Variants in RPL35A observed in about 807,000 individuals in gnomAD.
RPL35A encodes the protein large ribosomal subunit protein eL33.
Under a neutral mutation model 16.7 loss-of-function variants are expected in RPL35A, and 1 was observed. The ratio of observed to expected loss-of-function variants is 0.06; its 90% confidence interval spans 0.02 to 0.28. The LOEUF (loss-of-function observed/expected upper bound fraction) is 0.28. Ranked by LOEUF, RPL35A falls within the 10% of genes least tolerant of loss-of-function variation. The pLI is 1.00. For synonymous variants in RPL35A, 58 were observed against 47.0 expected (o/e 1.23, Z -0.96); for missense variants, 91 against 138.7 (o/e 0.66, Z 1.73).
chr3:197,950,429 CCA>C, intron 1 of RPL35A: 1 of 819,946 alleles, frequency 1.2e-6, no homozygotes, highest in Admixed American at 4.4e-5. Flanking sequence ...CCGGGTTATC[CCA>C]GTTAAATTCC....
chr3:197,952,989 CA>C (rs1720241466), intron 3 of RPL35A, among the ~76,000 whole-genome samples: 1 of 151,512 alleles, frequency 6.6e-6, no homozygotes. Context: ...TTAGTAGAGA[CA>C]GGGTTTCACC....
At chr3:197,952,711 C>G (rs562595585) in intron 3 of RPL35A, 29 of 152,156 alleles carry the variant, frequency 1.9e-4, no homozygotes, top group Admixed American at 1.2e-3. Context: ...TCACTCTGGT[C>G]TTGAACTCCT....
Position 197,951,593 on chromosome 3 carries a change from T to TCA in RPL35A, c.164+283_164+284insAC, listed in dbSNP as rs1432987246. 10 of 409,426 alleles carry TCA rather than the reference T, an allele frequency of 2.4e-5. No individual in the cohort carries two copies. In the Admixed American group the frequency reaches 3.4e-4, roughly 14 times the overall value. The allele number at this position is 409,426 out of a possible 1,614,324, so 25.4% of individuals were successfully genotyped here. Reference sequence around the variant, plus strand: ...GTCCCAAACTCCTGACCTTAGGTGATCCGCCCACCTCGGCCTCCCAAAGTG... The same window carrying TCA: ...GTCCCAAACTCCTGACCTTAGGTGATCACCGCCCACCTCGGCCTCCCAAAGTG... On this transcript the variant is annotated intron_variant, in intron 3 of 4. Transcript: ENST00000647248.
intron 1 of RPL35A, 21 bp downstream of exon 1, chr3:197,950,242 T>C: frequency 8.1e-7 from 1 of 1,230,782 alleles, no homozygotes; most frequent in South Asian, 4.2e-5. Flanking sequence ...GGTCTGCTGC[T>C]GAAATTTGGG....
chr3:197,955,051 AT>A (rs1261251239), intron 4 of RPL35A, among the ~76,000 whole-genome samples: 2 of 151,676 alleles, frequency 1.3e-5, no homozygotes, highest in African/African-American at 4.8e-5. Context: ...TTCTCCTGTA[AT>A]TTTTCTCAAA....
At chr3:197,951,898 A>T (rs1720126969) in intron 3 of RPL35A, among the ~76,000 whole-genome samples, 1 of 152,064 alleles carries the variant, frequency 6.6e-6, no homozygotes. Context: ...GGGTTTCCCC[A>T]TGTTGGCCAG....
Position 197,954,008 on chromosome 3 carries a change from C to T in RPL35A, c.170C>T (p.Thr57Ile). ...CAYVYKAKNNTVTPGGKPNKT... is the reference protein window; with the variant it reads ...CAYVYKAKNNIVTPGGKPNKT... ...CTTTCCCTTTTTAAAATCAGCAACA[C>T]AGTCACTCCTGGCGGCAAACCAAAC... Residue 57 changes from threonine (T) to isoleucine (I), a missense_variant, in exon 4 of 5, where the codon ACA (threonine) becomes ATA (isoleucine). Thr to Ile is a moderately conservative substitution (Grantham distance 89). Coordinates refer to ENST00000647248, the MANE Select transcript of RPL35A (RefSeq NM_000996.4). 1.9e-6 allele frequency: 3 copies of T among 1,612,806 alleles called. No homozygotes were observed. Among genetic ancestry groups the T allele is most frequent in the Non-Finnish European group, 2.5e-6 (3 of 1,179,916 alleles).
At position 197,950,962 on chromosome 3, in the gene RPL35A, G is replaced by A. The variant is rs1720019559; in HGVS notation, c.-6G>A. The A allele has an allele frequency of 1.2e-6, 2 of 1,614,106 alleles. No homozygotes were observed. Among genetic ancestry groups the A allele is most frequent in the Non-Finnish European group, 1.7e-6 (2 of 1,179,956 alleles). Reference sequence around the variant, plus strand: ...CCTGCTGGGAACGGGACTTCTAAAAGGAACTATGTCTGGAAGGTACGCGTT... The same window carrying A: ...CCTGCTGGGAACGGGACTTCTAAAAAGAACTATGTCTGGAAGGTACGCGTT... On this transcript the variant is annotated 5_prime_UTR_variant, in exon 2 of 5. Coordinates refer to ENST00000647248, the MANE Select transcript of RPL35A (RefSeq NM_000996.4).
Position 197,956,195 on chromosome 3 carries a change from C to G in RPL35A, c.*422C>G, listed in dbSNP as rs1325347032. 4.9e-6 allele frequency: 1 copy of G among 202,060 alleles called. No homozygotes were observed. The highest frequency in any genetic ancestry group is 1.0e-4 in the East Asian group (1 of 9,738). The allele number at this position is 202,060 out of a possible 1,614,324, so 12.5% of individuals were successfully genotyped here. On this transcript the variant is annotated 3_prime_UTR_variant, in exon 5 of 5. Transcript: ENST00000647248. ...TTCAAACTCCTGGGCTCAAGCAATC[C>G]TCCTTCCTTGGCCTCTCCTGAAGTG...
Position 197,952,175 on chromosome 3 carries a change from T to G in RPL35A, c.164+864T>G, listed in dbSNP as rs553387491. On this transcript the variant is annotated intron_variant, in intron 3 of 4. Coordinates refer to ENST00000647248, the MANE Select transcript of RPL35A (RefSeq NM_000996.4). ...TTAAAATTATGGGTTTTTTTTTTTTTTTTTTTTTTTTTTGGAGACGGAGTC... is the reference window on the plus strand; with the variant it reads ...TTAAAATTATGGGTTTTTTTTTTTTGTTTTTTTTTTTTTGGAGACGGAGTC... Among the ~76,000 whole-genome samples, 516 of 139,088 alleles carry G rather than the reference T, an allele frequency of 3.7e-3. 6 individuals are homozygous for G. Among genetic ancestry groups the G allele is most frequent in the African/African-American group, 0.013 (496 of 37,144 alleles). 91.2% of individuals were successfully genotyped at this position (139,088 alleles called of 152,430 possible).
At position 197,955,734 on chromosome 3, in the gene RPL35A, TC is replaced by T; in HGVS notation, c.310-15del. ...ATAACATTCACCTAATGTTTTGTGT[TC>T]TTTTTTCCCTGCAGATGCTGTACCC... On this transcript the variant is annotated splice_polypyrimidine_tract_variant and intron_variant, in intron 4 of 4. Transcript: ENST00000647248. The T allele has an allele frequency of 6.3e-7, 1 of 1,596,880 alleles. No homozygotes were observed. Among genetic ancestry groups the T allele is most frequent in the Non-Finnish European group, 8.6e-7 (1 of 1,166,036 alleles).
At chr3:197,953,477 CTT>C (rs1720285605) in intron 3 of RPL35A, 1 of 456,840 alleles carries the variant, frequency 2.2e-6, no homozygotes, top group Middle Eastern at 3.3e-4. Context: ...CCATAATTCT[CTT>C]TATCTCAGCT....
rs778146996 is a variant in RPL35A, at chr3:197,951,146, T to A, written c.12-13T>A. ...AAGCTTATGTTTCATGTTGTGTATC[T>A]TTTGTGTCTTAGGCTGTGGTCCAAG... On this transcript the variant is annotated splice_polypyrimidine_tract_variant and intron_variant, in intron 2 of 4. Coordinates refer to ENST00000647248, the MANE Select transcript of RPL35A (RefSeq NM_000996.4). 1.0e-4 allele frequency: 169 copies of A among 1,613,980 alleles called. No homozygotes were observed. Among genetic ancestry groups the A allele is most frequent in the Non-Finnish European group, 1.4e-4 (167 of 1,180,032 alleles).
At chr3:197,950,491 T>C in intron 1 of RPL35A, 1 of 355,060 alleles carries the variant, frequency 2.8e-6, no homozygotes. Flanking sequence ...CAGTTGTCCA[T>C]GAGGCAGTGC....
Position 197,955,932 on chromosome 3 carries a change from A to G in RPL35A, c.*159A>G. 3.0e-6 allele frequency: 2 copies of G among 673,570 alleles called. No homozygotes were observed. Among genetic ancestry groups the G allele is most frequent in the Non-Finnish European group, 5.4e-6 (2 of 373,510 alleles). 41.7% of individuals were successfully genotyped at this position (673,570 alleles called of 1,614,324 possible). A position where few individuals can be genotyped will look rare whatever the true frequency, so the allele number is the denominator to read the frequency against. On this transcript the variant is annotated 3_prime_UTR_variant, in exon 5 of 5. Coordinates refer to ENST00000647248, the MANE Select transcript of RPL35A (RefSeq NM_000996.4). ...GGGGGTCAGAGAGACATGTGATGAA[A>G]ATTACAGGGCGAGTACAGAGATTTA...
chr3:197,950,916 A>G lies in RPL35A; in HGVS notation c.-32-20A>G, dbSNP rs1720012368. 5.0e-6 allele frequency: 8 copies of G among 1,613,544 alleles called. No individual in the cohort carries two copies. Among genetic ancestry groups the G allele is most frequent in the Admixed American group, 1.7e-5 (1 of 59,982 alleles). On this transcript the variant is annotated intron_variant, in intron 1 of 4. Transcript: ENST00000647248. ...ACTTGTGTGGCTTGGTTTTAAACTAATCTTTTTGTTTGTTTTAAGGCCTGC... is the reference window on the plus strand; with the variant it reads ...ACTTGTGTGGCTTGGTTTTAAACTAGTCTTTTTGTTTGTTTTAAGGCCTGC...
chr3:197,954,021 C>G lies in RPL35A; in HGVS notation c.183C>G (p.Gly61=), dbSNP rs370212853. 6.2e-7 allele frequency: 1 copy of G among 1,613,040 alleles called. No individual in the cohort carries two copies. The highest frequency in any genetic ancestry group is 1.3e-5 in the African/African-American group (1 of 74,878). ...YKAKNNTVTP[G]GKPNKTRVIW... ...AAATCAGCAACACAGTCACTCCTGGCGGCAAACCAAACAAAACCAGAGTCA... is the reference window on the plus strand; with the variant it reads ...AAATCAGCAACACAGTCACTCCTGGGGGCAAACCAAACAAAACCAGAGTCA... Residue 61 remains glycine, a synonymous_variant, in exon 4 of 5, where the codon GGC becomes GGG. Transcript: ENST00000647248.
intron 3 of RPL35A, among the ~76,000 whole-genome samples, chr3:197,952,108 G>A (rs536021441): frequency 6.7e-6 from 1 of 149,740 alleles, no homozygotes; most frequent in African/African-American, 2.5e-5. Context: ...CAGAATTTAA[G>A]GATTTTTAGA....
At chr3:197,951,731 C>G (rs1480442563) in intron 3 of RPL35A, 2 of 210,020 alleles carry the variant, frequency 9.5e-6, no homozygotes, top group African/African-American at 4.7e-5. Flanking sequence ...TGACAAGAGT[C>G]TCTGTTGCCC....
Sources: gnomAD v4.1 joint callset for allele counts (sites outside exome capture counted in the v4.1 genomes callset) on GRCh38, gnomAD v4.1.1 for gene constraint, MANE v1.5 for transcripts, NCBI Gene and HGNC (gene_info 2026-07-23, HGNC 2026-07-21) for gene names.